Variants in ANO3 observed in about 807,000 individuals in gnomAD.
ANO3 encodes the protein anoctamin-3.
In ANO3, 99 loss-of-function variants were observed where a neutral mutation model predicts 144.8. The observed-to-expected ratio is 0.68, with a 90% CI of 0.58 to 0.81. The LOEUF (loss-of-function observed/expected upper bound fraction) is 0.81. Ranked by LOEUF, ANO3 falls within the 30% of genes least tolerant of loss-of-function variation. The pLI, the probability that ANO3 is intolerant of heterozygous loss-of-function variation, is 0.00. For synonymous variants in ANO3, 414 were observed against 392.6 expected, an observed-to-expected ratio of 1.05 and a Z score of -0.64; for missense variants, 905 against 1,202.2, an observed-to-expected ratio of 0.75 and a Z score of 3.66.
chr11:26,656,255 C>G (rs1193680223), intron 25 of ANO3, 50 bp downstream of exon 25: 1 of 1,527,826 alleles, frequency 6.5e-7, no homozygotes, highest in East Asian at 2.2e-5. Context: ...TCCAAGTACT[C>G]CCCCCTGCAT....
At chr11:26,193,373 C>T (rs1244887192) in intron 1 of ANO3, among the ~76,000 whole-genome samples, 4 of 152,056 alleles carry the variant, frequency 2.6e-5, no homozygotes, top group African/African-American at 9.7e-5. Flanking sequence ...AACTCCTGAC[C>T]TCAGGTGCCA....
intron 14 of ANO3, among the ~76,000 whole-genome samples, chr11:26,595,457 G>GT (rs1411703035): frequency 0.036 from 2,445 of 67,666 alleles, 165 homozygotes; most frequent in East Asian, 0.1. Context: ...TTGAGATAGA[G>GT]TTGTTTTTTT....
intron 12 of ANO3, 136 bp downstream of exon 12, chr11:26,547,686 G>A: frequency 1.1e-6 from 1 of 887,114 alleles, no homozygotes; most frequent in Admixed American, 3.2e-5. Flanking sequence ...TCTGTTTTTT[G>A]GCTTTTGTTT....
chr11:26,228,592 A>T (rs1291659455), intron 1 of ANO3, among the ~76,000 whole-genome samples: 1 of 152,102 alleles, frequency 6.6e-6, no homozygotes, highest in Non-Finnish European at 1.5e-5. Context: ...TGAGATGAAG[A>T]AGTTGAGCCG....
intron 14 of ANO3, chr11:26,561,156 G>C (rs777133919): frequency 6.2e-7 from 1 of 1,612,802 alleles, no homozygotes; most frequent in South Asian, 1.1e-5. Context: ...ATCATTCAAA[G>C]TTGGATTGTA....
At chr11:26,611,736 G>C (rs2132967769) in intron 17 of ANO3, among the ~76,000 whole-genome samples, 1 of 152,164 alleles carries the variant, frequency 6.6e-6, no homozygotes, top group Non-Finnish European at 1.5e-5. Context: ...ATTGTAGTCT[G>C]TCTTTCTCTG....
chr11:26,408,763 G>A (rs893759688), intron 1 of ANO3, among the ~76,000 whole-genome samples: 10 of 151,048 alleles, frequency 6.6e-5, no homozygotes, highest in Admixed American at 2.0e-4. Context: ...AAGAAAATGT[G>A]GCGCATATAC....
At chr11:26,286,321 A>C (rs1473773766) in intron 1 of ANO3, among the ~76,000 whole-genome samples, 2 of 152,206 alleles carry the variant, frequency 1.3e-5, no homozygotes, top group Non-Finnish European at 1.5e-5. Context: ...TTTGATATAA[A>C]GGCCTGGGGT....
chr11:26,271,481 T>A (rs1371046397), intron 1 of ANO3, among the ~76,000 whole-genome samples: 2 of 152,190 alleles, frequency 1.3e-5, no homozygotes, highest in Non-Finnish European at 2.9e-5. Context: ...AAAGAAAATA[T>A]GATTTTATGA....
upstream of ANO3, chr11:26,331,532 T>C (rs1855040764): frequency 6.6e-6 from 1 of 152,132 alleles, no homozygotes; most frequent in African/African-American, 2.4e-5. Context: ...TACAGGGCTT[T>C]TATGAAGATT....
chr11:26,202,201 T>C (rs1336904646), intron 1 of ANO3, among the ~76,000 whole-genome samples: 1 of 147,188 alleles, frequency 6.8e-6, no homozygotes, highest in Admixed American at 6.9e-5. Context: ...TAAGTTATAT[T>C]ATTTCCAAAA....
chr11:26,545,970 G>T (rs995784850), intron 11 of ANO3, among the ~76,000 whole-genome samples: 3 of 151,728 alleles, frequency 2.0e-5, no homozygotes, highest in Non-Finnish European at 4.4e-5. Flanking sequence ...AAATAATATT[G>T]TTGCTTCTCT....
intron 14 of ANO3, among the ~76,000 whole-genome samples, chr11:26,587,970 G>T (rs775797125): frequency 2.7e-5 from 4 of 150,630 alleles, no homozygotes; most frequent in Admixed American, 6.6e-5. Flanking sequence ...ACTTAAAAAG[G>T]TTCGGAAAGC....
intron 1 of ANO3, among the ~76,000 whole-genome samples, chr11:26,273,651 C>A (rs943830444): frequency 3.3e-5 from 5 of 151,678 alleles, no homozygotes; most frequent in Non-Finnish European, 5.9e-5. Flanking sequence ...CACACACACA[C>A]ACACACACAC....
At chr11:26,657,316 TA>T (rs1853719464) in intron 26 of ANO3, among the ~76,000 whole-genome samples, 1 of 152,146 alleles carries the variant, frequency 6.6e-6, no homozygotes, top group South Asian at 2.1e-4. Flanking sequence ...CCCCTAAGGG[TA>T]TCATCGAGGA....
At chr11:26,217,962 T>C (rs1458077312) in intron 1 of ANO3, among the ~76,000 whole-genome samples, 1 of 152,106 alleles carries the variant, frequency 6.6e-6, no homozygotes, top group Non-Finnish European at 1.5e-5. Context: ...ATTGTGATAA[T>C]GATTGGCATT....
chr11:26,626,318 A>T (rs549024196), intron 18 of ANO3, among the ~76,000 whole-genome samples: 1 of 152,202 alleles, frequency 6.6e-6, no homozygotes, highest in East Asian at 1.9e-4. Flanking sequence ...TTAGAGGAAA[A>T]CTCCTGAGGA....
At chr11:26,241,457 C>T (rs1852663082) in intron 1 of ANO3, among the ~76,000 whole-genome samples, 1 of 152,158 alleles carries the variant, frequency 6.6e-6, no homozygotes, top group Admixed American at 6.6e-5. Flanking sequence ...TTCTTACTTT[C>T]TTACTCTCAT....
At chr11:26,498,972 C>G (rs1287595920) in intron 4 of ANO3, among the ~76,000 whole-genome samples, 2 of 151,946 alleles carry the variant, frequency 1.3e-5, no homozygotes, top group Non-Finnish European at 2.9e-5. Context: ...CTGTCATATT[C>G]TATTGCATGA....
Sources: allele counts gnomAD v4.1 joint callset (sites outside exome capture counted in the v4.1 genomes callset), GRCh38; gene constraint gnomAD v4.1.1; transcripts MANE v1.5; gene names NCBI Gene and HGNC (gene_info 2026-07-23, HGNC 2026-07-21).